PLEKHG1: variants seen among roughly 807,000 people sequenced by gnomAD.
PLEKHG1 encodes the protein pleckstrin homology and RhoGEF domain containing G1.
PLEKHG1 carries 44 observed loss-of-function variants against 100.8 expected under a neutral mutation model. That is an observed-to-expected ratio of 0.44 (90% CI 0.34 to 0.56). The LOEUF (loss-of-function observed/expected upper bound fraction) is 0.56. Ranked by LOEUF, PLEKHG1 falls within the 20% of genes least tolerant of loss-of-function variation. PLEKHG1 has a pLI of 0.01. For missense variants in PLEKHG1, 1,545 were observed against 1,720.9 expected, an observed-to-expected ratio of 0.90 and a Z score of 1.81; for synonymous variants, 640 against 662.5, an observed-to-expected ratio of 0.97 and a Z score of 0.52.
rs1353564001 is a variant in PLEKHG1 at position 150,803,958 on chromosome 6, G to A, written c.781-652G>A. ...CCAGAGCTATAAGAGCAATTTCCAC[G>A]TCTGTTATAATAACTATAATATCGC... On this transcript the variant is annotated intron_variant, in intron 6 of 15. Transcript: ENST00000358517. Among the ~76,000 whole-genome samples, 7 of 151,204 alleles carry A rather than the reference G, an allele frequency of 4.6e-5. No individual in the cohort carries two copies. In the South Asian group the frequency reaches 8.4e-4, roughly 18 times the overall value.
At chr6:150,679,975 G>C (rs779220128) in intron 3 of PLEKHG1, among the ~76,000 whole-genome samples, 1 of 152,206 alleles carries the variant, frequency 6.6e-6, no homozygotes, top group African/African-American at 2.4e-5. Flanking sequence ...TGGTATGGGA[G>C]AGAAGGCCAG....
intron 10 of PLEKHG1, among the ~76,000 whole-genome samples, chr6:150,816,118 G>T (rs782665): frequency 0.18 from 27,992 of 151,972 alleles, 2,632 homozygotes; most frequent in Middle Eastern, 0.24. Flanking sequence ...CCATCTGGGG[G>T]TGATGGGAGA....
chr6:150,840,292 C>T (rs1429647524), exon 16 of PLEKHG1: 2 of 1,614,162 alleles, frequency 1.2e-6, no homozygotes, highest in Non-Finnish European at 1.7e-6. Flanking sequence ...CAGTCATCTT[C>T]CTCCGTCTTG....
chr6:150,664,838 A>T (rs905215130), intron 3 of PLEKHG1, among the ~76,000 whole-genome samples: 1 of 152,118 alleles, frequency 6.6e-6, no homozygotes, highest in Admixed American at 6.6e-5. Flanking sequence ...ATTGGGGGAG[A>T]TGCTTCTATC....
At chr6:150,809,820 G>T in intron 10 of PLEKHG1, 86 bp downstream of exon 11, 2 of 941,646 alleles carry the variant, frequency 2.1e-6, no homozygotes, top group Non-Finnish European at 3.3e-6. Flanking sequence ...TGTGAGCCGA[G>T]ATCACATCAT....
intron 14 of PLEKHG1, chr6:150,828,454 G>T: frequency 7.5e-7 from 1 of 1,337,808 alleles, no homozygotes. Context: ...AAAGGAAAAA[G>T]CAAGAATGAA....
chr6:150,788,888 C>T (rs1332044318), intron 4 of PLEKHG1, among the ~76,000 whole-genome samples: 1 of 152,304 alleles, frequency 6.6e-6, no homozygotes, highest in East Asian at 1.9e-4. Context: ...CACACACACA[C>T]ATGCACACAC....
At chr6:150,672,102 C>G (rs1164418403) in intron 3 of PLEKHG1, among the ~76,000 whole-genome samples, 2 of 151,868 alleles carry the variant, frequency 1.3e-5, no homozygotes, top group Admixed American at 6.6e-5. Flanking sequence ...CCAAGGGGTC[C>G]CTGATAATAG....
chr6:150,677,311 C>CGT (rs1779795056), intron 3 of PLEKHG1, among the ~76,000 whole-genome samples: 1 of 148,638 alleles, frequency 6.7e-6, no homozygotes, highest in Non-Finnish European at 1.5e-5. Flanking sequence ...CACGCGCGCG[C>CGT]GCACACACAC....
At chr6:150,758,613 GCGTGAGCCA>G (rs1303267465) in intron 2 of PLEKHG1, among the ~76,000 whole-genome samples, 1 of 152,200 alleles carries the variant, frequency 6.6e-6, no homozygotes. Context: ...GGGATTACAG[GCGTGAGCCA>G]CCACACCTGG....
Position 150,836,550 on chromosome 6 carries a change from C to T in PLEKHG1, c.3095-3283C>T, listed in dbSNP as rs143635655. 8.2e-3 allele frequency among the ~76,000 whole-genome samples: 1,244 copies of T among 152,162 alleles called. 17 individuals carry two copies. The highest frequency in any genetic ancestry group is 0.028 in the African/African-American group (1,170 of 41,522). On this transcript the variant is annotated intron_variant, in intron 15 of 15. Transcript: ENST00000358517. ...AAAGCTCAGAGGCCAGGCGAGGTGG[C>T]TCACACGTGTAATCCTAGCACTTTG...
intron 5 of PLEKHG1, among the ~76,000 whole-genome samples, chr6:150,800,264 G>A (rs984076141): frequency 6.6e-6 from 1 of 152,102 alleles, no homozygotes; most frequent in Non-Finnish European, 1.5e-5. Flanking sequence ...TGCTCTGACG[G>A]GGGGCTGGAT....
At chr6:150,823,602 A>G in intron 13 of PLEKHG1, 52 bp from the exon 15 acceptor site, 1 of 1,239,186 alleles carries the variant, frequency 8.1e-7, no homozygotes, top group South Asian at 1.2e-5. Flanking sequence ...GCTTACTTAT[A>G]TAGGAGGTAC....
chr6:150,812,393 C>T (rs1191616341), intron 10 of PLEKHG1, among the ~76,000 whole-genome samples: 2 of 152,200 alleles, frequency 1.3e-5, no homozygotes, highest in African/African-American at 4.8e-5. Flanking sequence ...GAAAGAGTAG[C>T]AGAGGAGGCA....
chr6:150,838,461 T>C (rs753667602), intron 15 of PLEKHG1, among the ~76,000 whole-genome samples: 5 of 152,252 alleles, frequency 3.3e-5, no homozygotes, highest in Non-Finnish European at 7.3e-5. Flanking sequence ...ATTTTATGTG[T>C]GTCCCAAGAC....
chr6:150,781,516 G>C (rs558067584), intron 3 of PLEKHG1, among the ~76,000 whole-genome samples: 1 of 150,576 alleles, frequency 6.6e-6, no homozygotes, highest in Admixed American at 6.6e-5. Flanking sequence ...AAAAAAAAAA[G>C]AAAAGAAAAG....
chr6:150,707,932 G>A lies in PLEKHG1; in HGVS notation c.-98-25652G>A, dbSNP rs144630907. 5.3e-3 allele frequency among the ~76,000 whole-genome samples: 803 copies of A among 152,062 alleles called. 5 individuals carry two copies. The highest frequency in any genetic ancestry group is 5.5e-3 in the Non-Finnish European group (372 of 67,976). ...GGCTCCCCTTTCCTCTGCCTGACCC[G>A]TCACTGCCCTTCCACCCACACTGTA... On this transcript the variant is annotated intron_variant, in intron 3 of 3. Transcript: ENST00000367326.
intron 6 of PLEKHG1, among the ~76,000 whole-genome samples, chr6:150,804,175 ATTT>A (rs1554276244): frequency 1.4e-4 from 6 of 43,168 alleles, no homozygotes; most frequent in South Asian, 1.1e-3. Flanking sequence ...ATATATATAT[ATTT>A]TTTTTTTTTT....
In PLEKHG1 at chr6:150,804,764, C is replaced by CAGGTGTAGAG. The variant is rs777211780; in HGVS notation, c.912+23_912+24insAGGTGTAGAG. The CAGGTGTAGAG allele has an allele frequency of 2.0e-5, 33 of 1,610,336 alleles. 1 individual carries two copies. In the South Asian group the frequency reaches 3.4e-4, roughly 17 times the overall value. On this transcript the variant is annotated intron_variant, in intron 7 of 15. Coordinates refer to ENST00000358517, the Ensembl canonical transcript of PLEKHG1. ...CAGGTGAGCCCGCGAGGTGTCGGTG[C>CAGGTGTAGAG]CCGGCAGGGTTGCAGGTGTAGTGAC...
Sources: gnomAD v4.1 joint callset for allele counts (sites outside exome capture counted in the v4.1 genomes callset) on GRCh38, gnomAD v4.1.1 for gene constraint, MANE v1.5 for transcripts, NCBI Gene and HGNC (gene_info 2026-07-23, HGNC 2026-07-21) for gene names.